The following USP15 variants were observed in gnomAD, a reference collection of about 807,000 sequenced individuals.
USP15 encodes ubiquitin carboxyl-terminal hydrolase 15.
In USP15, 18 loss-of-function variants were observed where a neutral mutation model predicts 127.1. That is an observed-to-expected ratio of 0.14 (90% CI 0.10 to 0.21). The LOEUF is 0.21. USP15 is among the 10% of genes least tolerant of loss of function. USP15 has a pLI of 1.00. For synonymous variants in USP15, 364 were observed against 393.7 expected, an observed-to-expected ratio of 0.92 and a Z score of 0.89; for missense variants, 805 against 1,159.9, an observed-to-expected ratio of 0.69 and a Z score of 4.44.
intron 11 of USP15, among the ~76,000 whole-genome samples, chr12:62,385,657 G>A (rs564609670): frequency 3.9e-5 from 6 of 152,062 alleles, no homozygotes; most frequent in African/African-American, 1.4e-4. Flanking sequence ...CTTTTGGCCT[G>A]GGGAATATGT....
intron 6 of USP15, among the ~76,000 whole-genome samples, chr12:62,343,947 A>G (rs780084728): frequency 2.0e-5 from 3 of 152,110 alleles, no homozygotes; most frequent in Non-Finnish European, 4.4e-5. Context: ...TGATTCAGTC[A>G]TCTCCCACAA....
intron 7 of USP15, chr12:62,355,101 T>G: frequency 3.1e-6 from 1 of 322,432 alleles, no homozygotes; most frequent in Non-Finnish European, 5.6e-6. Context: ...GTGCTTTGTA[T>G]TGGTTGGTGT....
At chr12:62,366,441 A>G (rs111764168) in intron 8 of USP15, among the ~76,000 whole-genome samples, 12,689 of 152,252 alleles carry the variant, frequency 0.083, 619 homozygotes, top group Middle Eastern at 0.16. Context: ...CAGGTTAAGG[A>G]GATTTAGGGC....
intron 1 of USP15, among the ~76,000 whole-genome samples, chr12:62,286,422 G>A (rs1177165101): frequency 1.1e-4 from 16 of 152,190 alleles, no homozygotes; most frequent in African/African-American, 3.6e-4. Flanking sequence ...TATGTTATTG[G>A]TGAGAATGCA....
chr12:62,341,662 C>T (rs1009456134), intron 6 of USP15, among the ~76,000 whole-genome samples: 1 of 152,084 alleles, frequency 6.6e-6, no homozygotes, highest in African/African-American at 2.4e-5. Context: ...GGATATGAAA[C>T]TCTGGGTTGA....
In USP15 at chr12:62,325,882, T is replaced by C; in HGVS notation, c.632T>C (p.Ile211Thr). The C allele has an allele frequency of 6.2e-7, 1 of 1,610,310 alleles. No homozygotes were observed. Among genetic ancestry groups the C allele is most frequent in the Non-Finnish European group, 8.5e-7 (1 of 1,177,802 alleles). ...GTGTCATATTTGCAGGTATTAGTGA[T>C]AGAACAGAAAAATGAAGATGGAACA... is the stretch of plus-strand genomic sequence containing the variant. ...AGLYQGQVLVIEQKNEDGTWP... is the reference protein window; with the variant it reads ...AGLYQGQVLVTEQKNEDGTWP... The change falls in exon 6 of 22, where the codon ATA becomes ACA. Residue 211 changes from isoleucine (I) to threonine (T), a missense_variant. Transcript: ENST00000280377.
At chr12:62,307,776 C>T (rs1312126730) in intron 3 of USP15, among the ~76,000 whole-genome samples, 2 of 152,166 alleles carry the variant, frequency 1.3e-5, no homozygotes, top group African/African-American at 2.4e-5. Context: ...GGTTATCAAT[C>T]TACTGTCACA....
intron 1 of USP15, among the ~76,000 whole-genome samples, chr12:62,261,940 TTAA>T (rs2063075637): frequency 6.6e-6 from 1 of 152,164 alleles, no homozygotes; most frequent in Non-Finnish European, 1.5e-5. Flanking sequence ...TTCAAGTGAC[TTAA>T]TAATAGTTAT....
rs547088421 is a variant in USP15 at position 62,320,466 on chromosome 12, T to TA, written c.476-997dup. Among the ~76,000 whole-genome samples the TA allele has an allele frequency of 8.4e-4, 128 of 152,324 alleles. 1 individual carries two copies. Among genetic ancestry groups the TA allele is most frequent in the African/African-American group, 2.9e-3 (122 of 41,570 alleles). ...TCTTCATAAGTTACCCAGTCTCAGGTAGTTCTCTATAGCAGTGTGAGAACA... is the reference window on the plus strand; with the variant it reads ...TCTTCATAAGTTACCCAGTCTCAGGTAAGTTCTCTATAGCAGTGTGAGAACA... On this transcript the variant is annotated intron_variant, in intron 4 of 21. Transcript: ENST00000280377.
At chr12:62,284,314 T>C (rs1179909066) in intron 1 of USP15, among the ~76,000 whole-genome samples, 1 of 152,236 alleles carries the variant, frequency 6.6e-6, no homozygotes, top group Non-Finnish European at 1.5e-5. Flanking sequence ...ATATTTATTT[T>C]AGAAAATAGG....
intron 3 of USP15, among the ~76,000 whole-genome samples, chr12:62,303,788 C>G (rs1042706347): frequency 6.6e-6 from 1 of 152,084 alleles, no homozygotes; most frequent in Non-Finnish European, 1.5e-5. Context: ...AACCTTGGAT[C>G]TTATTTTCTG....
chr12:62,391,338 C>G lies in USP15; in HGVS notation c.2142C>G (p.Phe714Leu). Reference sequence around the variant, plus strand: ...GACACAAAAAACGATTGTTTACATTCCAGTTCAACAACTTAGGCAATACTG... The same window carrying G: ...GACACAAAAAACGATTGTTTACATTGCAGTTCAACAACTTAGGCAATACTG... ...LTGHKKRLFT[F>L]QFNNLGNTDI... Residue 714 changes from phenylalanine to leucine, a missense_variant, in exon 16 of 22, where the codon TTC becomes TTG. By Grantham distance (22) the Phe-to-Leu change is conservative. Around this residue, in one of 11 missense-constraint regions of USP15, gnomAD observed 225 missense variants for 239.5 expected, o/e 0.94. Transcript: ENST00000280377. 1 of 1,613,426 alleles carries G rather than the reference C, an allele frequency of 6.2e-7. No individual in the cohort carries two copies. Among genetic ancestry groups the G allele is most frequent in the South Asian group, 1.1e-5 (1 of 91,038 alleles).
chr12:62,401,354 A>G (rs2067681530), intron 21 of USP15, 79 bp downstream of exon 21: 1 of 1,082,926 alleles, frequency 9.2e-7, no homozygotes, highest in Non-Finnish European at 1.4e-6. Context: ...AAAGGGGCTC[A>G]TGGAACACTG....
At chr12:62,268,753 T>C (rs928719625) in intron 1 of USP15, among the ~76,000 whole-genome samples, 3 of 152,146 alleles carry the variant, frequency 2.0e-5, no homozygotes, top group Non-Finnish European at 2.9e-5. Flanking sequence ...ACAGCTTTAT[T>C]GTGATGCTAT....
At chr12:62,326,774 C>T (rs1023835645) in intron 6 of USP15, among the ~76,000 whole-genome samples, 55 of 152,226 alleles carry the variant, frequency 3.6e-4, no homozygotes, top group Admixed American at 2.5e-3. Context: ...TTTTAAAAAA[C>T]TAATAACAAT....
At chr12:62,280,581 A>G (rs1391686217) in intron 1 of USP15, among the ~76,000 whole-genome samples, 1 of 152,168 alleles carries the variant, frequency 6.6e-6, no homozygotes, top group East Asian at 1.9e-4. Context: ...TTATAAAGGC[A>G]TAAATTCCAT....
chr12:62,363,550 C>T (rs961791739), intron 8 of USP15, among the ~76,000 whole-genome samples: 1 of 152,140 alleles, frequency 6.6e-6, no homozygotes, highest in Non-Finnish European at 1.5e-5. Flanking sequence ...CTTCTTCAGT[C>T]ACCCTGTAAA....
At chr12:62,386,936 A>G (rs2067167879) in intron 11 of USP15, among the ~76,000 whole-genome samples, 1 of 152,164 alleles carries the variant, frequency 6.6e-6, no homozygotes, top group Non-Finnish European at 1.5e-5. Flanking sequence ...AGTTGAATGT[A>G]GGAAGTGAAA....
intron 1 of USP15, among the ~76,000 whole-genome samples, chr12:62,282,512 C>G (rs2063683473): frequency 6.6e-6 from 1 of 152,032 alleles, no homozygotes; most frequent in Non-Finnish European, 1.5e-5. Context: ...TGATAAAATG[C>G]ATAGGTGATG....
Sources: allele counts gnomAD v4.1 joint callset (sites outside exome capture counted in the v4.1 genomes callset), GRCh38; gene constraint gnomAD v4.1.1; regional missense constraint gnomAD v4.1.1; transcripts MANE v1.5; gene names NCBI Gene and HGNC (gene_info 2026-07-23, HGNC 2026-07-21).